CNTN4: variants seen among roughly 807,000 people sequenced by gnomAD.
CNTN4 encodes the protein contactin-4.
In CNTN4, 77 loss-of-function variants were observed where a neutral mutation model predicts 122.5. The ratio of observed to expected loss-of-function variants is 0.63; its 90% CI spans 0.52 to 0.76. The LOEUF (loss-of-function observed/expected upper bound fraction) is 0.76. Ranked by LOEUF, CNTN4 falls within the 30% of genes least tolerant of loss-of-function variation. The probability of loss-of-function intolerance (pLI) is 0.00; values close to 1 mark genes in which losing one functional copy is unlikely to be tolerated. For synonymous variants in CNTN4, 512 were observed against 447.0 expected (o/e 1.15, Z -1.83); for missense variants, 1,256 against 1,259.1 (o/e 1.00, Z 0.04).
chr3:2,957,211 G>A (rs180711038), intron 13 of CNTN4, among the ~76,000 whole-genome samples: 15 of 152,130 alleles, frequency 9.9e-5, no homozygotes, highest in Admixed American at 3.9e-4. Flanking sequence ...TTGAACAACC[G>A]TACTATTTTC....
intron 2 of CNTN4, among the ~76,000 whole-genome samples, chr3:2,258,890 C>T (rs867497049): frequency 1.3e-5 from 2 of 152,094 alleles, no homozygotes; most frequent in South Asian, 2.1e-4. Context: ...CAGTGTTTCT[C>T]AGGCACTTAG....
At chr3:2,328,623 C>T (rs1400830811) in intron 2 of CNTN4, among the ~76,000 whole-genome samples, 1 of 151,118 alleles carries the variant, frequency 6.6e-6, no homozygotes, top group Middle Eastern at 3.2e-3. Flanking sequence ...CCTTGGGTTC[C>T]ACATCTGCGG....
At chr3:2,852,495 CAATAAT>C (rs2093564000) in intron 7 of CNTN4, among the ~76,000 whole-genome samples, 1 of 152,060 alleles carries the variant, frequency 6.6e-6, no homozygotes, top group Non-Finnish European at 1.5e-5. Context: ...GCCTTATCAA[CAATAAT>C]AATAATAAAC....
rs1323987329 is a variant in CNTN4, at chr3:2,121,461, G to T, written c.-145+20822G>T. On this transcript the variant is annotated intron_variant, in intron 2 of 24. Transcript: ENST00000418658. ...TGCAGTGAGCCGAGATCACACCACTGCACCCAGCCTGGGTGACAGAGTGAG... is the reference window on the plus strand; with the variant it reads ...TGCAGTGAGCCGAGATCACACCACTTCACCCAGCCTGGGTGACAGAGTGAG... 2.0e-5 allele frequency among the ~76,000 whole-genome samples: 3 copies of T among 148,848 alleles called. No individual in the cohort carries two copies. In the East Asian group the frequency reaches 6.0e-4, roughly 30 times the overall value.
intron 2 of CNTN4, among the ~76,000 whole-genome samples, chr3:2,183,457 CT>C: frequency 6.6e-6 from 1 of 152,288 alleles, no homozygotes; most frequent in South Asian, 2.1e-4. Flanking sequence ...TTCCATGGCT[CT>C]TTTTTTGGGG....
At chr3:2,487,003 T>C (rs1211360987) in intron 3 of CNTN4, among the ~76,000 whole-genome samples, 7 of 152,170 alleles carry the variant, frequency 4.6e-5, no homozygotes, top group Admixed American at 4.6e-4. Context: ...CACATAGAAA[T>C]TTATAGCCTA....
intron 3 of CNTN4, among the ~76,000 whole-genome samples, chr3:2,525,244 G>C (rs557760364): frequency 6.6e-6 from 1 of 152,196 alleles, no homozygotes; most frequent in African/African-American, 2.4e-5. Context: ...TATTCTATGG[G>C]GACTGCCTTT....
intron 15 of CNTN4, among the ~76,000 whole-genome samples, chr3:3,029,682 A>G (rs573704389): frequency 1.1e-4 from 17 of 152,294 alleles, no homozygotes; most frequent in African/African-American, 4.1e-4. Flanking sequence ...CAGGGACTAT[A>G]TGGGTTCAAA....
At chr3:2,169,640 A>G (rs2728522) in intron 2 of CNTN4, among the ~76,000 whole-genome samples, 141,742 of 151,374 alleles carry the variant, frequency 0.94, 66,409 homozygotes, top group East Asian at 1. Flanking sequence ...CTCGTGATCC[A>G]CCCGCCTCCG....
intron 3 of CNTN4, among the ~76,000 whole-genome samples, chr3:2,558,387 C>A (rs1213146468): frequency 1.3e-5 from 2 of 152,180 alleles, no homozygotes; most frequent in African/African-American, 2.4e-5. Context: ...AGTTCCTGAG[C>A]CTTCGCCTGC....
At chr3:2,616,163 C>T (rs1268593473) in intron 4 of CNTN4, among the ~76,000 whole-genome samples, 1 of 149,912 alleles carries the variant, frequency 6.7e-6, no homozygotes, top group Admixed American at 6.7e-5. Context: ...ATCCCCCCAA[C>T]AGGCCCAGTG....
chr3:2,215,712 C>G (rs2038807175), intron 2 of CNTN4, among the ~76,000 whole-genome samples: 1 of 151,828 alleles, frequency 6.6e-6, no homozygotes, highest in African/African-American at 2.4e-5. Context: ...GAAACCCCGT[C>G]TCTACTAAAA....
chr3:2,608,044 C>T (rs1417817711), intron 4 of CNTN4, among the ~76,000 whole-genome samples: 4 of 151,994 alleles, frequency 2.6e-5, no homozygotes, highest in East Asian at 3.9e-4. Flanking sequence ...TTAATTTAGA[C>T]GTTTAGGTTA....
chr3:2,438,747 C>T lies in CNTN4; in HGVS notation c.-89+99514C>T, dbSNP rs73804544. ...GGATCTCCCACTGGCTTGGCAGGTG[C>T]GGTAATAGCAGGCTAAAGAATGTGG... On this transcript the variant is annotated intron_variant, in intron 3 of 24. Coordinates refer to ENST00000418658, the MANE Select transcript of CNTN4 (RefSeq NM_175607.3). 3.3e-3 allele frequency among the ~76,000 whole-genome samples: 503 copies of T among 152,028 alleles called. 2 individuals are homozygous for T. The highest frequency in any genetic ancestry group is 0.011 in the African/African-American group (446 of 41,472).
intron 4 of CNTN4, among the ~76,000 whole-genome samples, chr3:2,735,422 T>G (rs960558619): frequency 6.6e-6 from 1 of 152,236 alleles, no homozygotes; most frequent in Non-Finnish European, 1.5e-5. Context: ...CGTGACAAAA[T>G]AAGTCTCATG....
chr3:3,007,775 G>T (rs1281763391), intron 14 of CNTN4, among the ~76,000 whole-genome samples: 1 of 152,200 alleles, frequency 6.6e-6, no homozygotes, highest in Non-Finnish European at 1.5e-5. Context: ...AATAGATTCT[G>T]TGCTGGCATA....
chr3:2,208,483 T>C (rs1282992487), intron 2 of CNTN4, among the ~76,000 whole-genome samples: 2 of 152,126 alleles, frequency 1.3e-5, no homozygotes, highest in African/African-American at 2.4e-5. Context: ...TTTTCTGAGA[T>C]GAAATCTACT....
Position 2,833,433 on chromosome 3 carries a change from T to C in CNTN4, c.454+13852T>C, listed in dbSNP as rs866466810. 9.0e-4 allele frequency among the ~76,000 whole-genome samples: 130 copies of C among 145,200 alleles called. No homozygotes were observed. In the Middle Eastern group the frequency reaches 0.014, roughly 16 times the overall value. On this transcript the variant is annotated intron_variant, in intron 7 of 24. Transcript: ENST00000418658. ...CTTCATAAATATAAAAATTAGGTAG[T>C]AAAGTTCCAACCCATATGTAATCAA...
chr3:2,951,443 T>C (rs1011370270), intron 13 of CNTN4, among the ~76,000 whole-genome samples: 1 of 152,210 alleles, frequency 6.6e-6, no homozygotes, highest in Non-Finnish European at 1.5e-5. Context: ...ACTGTGATGC[T>C]TGCTCACAGG....
Sources: allele counts gnomAD v4.1 joint callset (sites outside exome capture counted in the v4.1 genomes callset), GRCh38; gene constraint gnomAD v4.1.1; transcripts MANE v1.5; gene names NCBI Gene and HGNC (gene_info 2026-07-23, HGNC 2026-07-21).